The following BRWD1 variants were observed in gnomAD, a reference collection of about 807,000 sequenced individuals.
The protein encoded by BRWD1 is bromodomain and WD repeat-containing protein 1.
BRWD1 carries 82 observed loss-of-function variants against 251.2 expected under a neutral mutation model. The observed-to-expected ratio is 0.33, with a 90% CI of 0.27 to 0.39. BRWD1 has a LOEUF of 0.39. BRWD1 is among the 10% of genes least tolerant of loss of function. BRWD1 has a pLI of 1.00. For missense variants in BRWD1, 2,233 were observed against 2,711.6 expected (o/e 0.82, Z 3.92); for synonymous variants, 918 against 902.8 (o/e 1.02, Z -0.30).
At chr21:39,282,195 A>T (rs1221381892) in intron 8 of BRWD1, among the ~76,000 whole-genome samples, 1 of 152,148 alleles carries the variant, frequency 6.6e-6, no homozygotes, top group East Asian at 1.9e-4. Flanking sequence ...AAGAGCCAAG[A>T]TCACACCACT....
At chr21:39,204,625 T>A (rs981512107) in intron 37 of BRWD1, among the ~76,000 whole-genome samples, 6 of 152,178 alleles carry the variant, frequency 3.9e-5, no homozygotes, top group African/African-American at 7.2e-5. Context: ...AAAAATCACA[T>A]TATTCTCTAC....
At chr21:39,279,153 T>A (rs1429400522) in intron 9 of BRWD1, among the ~76,000 whole-genome samples, 1 of 152,170 alleles carries the variant, frequency 6.6e-6, no homozygotes, top group Admixed American at 6.5e-5. Context: ...ACCCAAAATA[T>A]CAACATGTAA....
chr21:39,277,632 C>T (rs2035319448), intron 10 of BRWD1, among the ~76,000 whole-genome samples: 2 of 151,180 alleles, frequency 1.3e-5, no homozygotes, highest in Admixed American at 6.6e-5. Context: ...GGTGTGATCT[C>T]GGCTCACTGC....
Position 39,215,243 on chromosome 21 carries a change from A to C in BRWD1, c.3779T>G (p.Phe1260Cys). The change falls in exon 32 of 41, where the codon TTT (phenylalanine) becomes TGT (cysteine). Residue 1260 changes from phenylalanine to cysteine, a missense_variant. Phe to Cys is a radical substitution (Grantham distance 205). Coordinates refer to ENST00000342449, the MANE Select transcript of BRWD1 (RefSeq NM_033656.4). ...CATCTATGAAATTACTTACTTGATA[A>C]ATTTTAAAAGTTGGTCAGTTATCTT... is the stretch of plus-strand genomic sequence containing the variant. ...AKKITDQLLK[F>C]IKNQHCTNIS... 1 of 1,611,092 alleles carries C rather than the reference A, an allele frequency of 6.2e-7. No individual in the cohort carries two copies. Among genetic ancestry groups the C allele is most frequent in the Non-Finnish European group, 8.5e-7 (1 of 1,177,506 alleles).
chr21:39,272,839 T>C (rs1014838674), intron 13 of BRWD1, among the ~76,000 whole-genome samples: 6 of 152,158 alleles, frequency 3.9e-5, no homozygotes, highest in African/African-American at 1.2e-4. Context: ...CTCGATATCC[T>C]GACCTCAGGT....
intron 20 of BRWD1, among the ~76,000 whole-genome samples, chr21:39,249,387 G>A (rs921790141): frequency 5.9e-5 from 9 of 152,154 alleles, no homozygotes; most frequent in African/African-American, 2.2e-4. Context: ...TTAACTGTAA[G>A]TATGTGTATT....
intron 18 of BRWD1, among the ~76,000 whole-genome samples, chr21:39,256,418 T>C (rs1261327973): frequency 1.3e-5 from 2 of 152,214 alleles, no homozygotes; most frequent in East Asian, 1.9e-4. Context: ...CCAAGGCAAG[T>C]AGCTGTCAAG....
intron 12 of BRWD1, 24 bp downstream of exon 12, chr21:39,276,149 C>T (rs2035274512): frequency 1.3e-6 from 2 of 1,597,754 alleles, no homozygotes; most frequent in African/African-American, 1.3e-5. Flanking sequence ...AACACACACA[C>T]ACACATACAA....
chr21:39,184,464 AGTAAT>A (rs1452483404), downstream of BRWD1: 6 of 152,248 alleles, frequency 3.9e-5, no homozygotes, highest in Non-Finnish European at 7.3e-5. Context: ...GAAAATATGC[AGTAAT>A]GCAATGAAAA....
intron 22 of BRWD1, among the ~76,000 whole-genome samples, chr21:39,237,507 AACACATT>A (rs2033852088): frequency 1.3e-5 from 2 of 152,356 alleles, no homozygotes; most frequent in African/African-American, 4.8e-5. Context: ...TACACAGGTA[AACACATT>A]ACAAAAAGGT....
At chr21:39,298,106 C>T in intron 5 of BRWD1, 6 of 1,010,134 alleles carry the variant, frequency 5.9e-6, no homozygotes, top group Non-Finnish European at 7.1e-6. Context: ...TAGACACATA[C>T]AATTACATTC....
intron 8 of BRWD1, among the ~76,000 whole-genome samples, chr21:39,289,279 T>C (rs2035734810): frequency 6.6e-6 from 1 of 152,232 alleles, no homozygotes; most frequent in African/African-American, 2.4e-5. Context: ...TGCATCTTCA[T>C]CTTAAAGTCT....
At chr21:39,294,658 A>AAAAAG in intron 7 of BRWD1, among the ~76,000 whole-genome samples, 1 of 151,670 alleles carries the variant, frequency 6.6e-6, no homozygotes, top group African/African-American at 2.4e-5. Context: ...CCGTCTCAAA[A>AAAAAG]AAAAAAAAAA....
chr21:39,248,256 T>C (rs976072894), intron 20 of BRWD1, among the ~76,000 whole-genome samples: 1 of 151,912 alleles, frequency 6.6e-6, no homozygotes, highest in Non-Finnish European at 1.5e-5. Flanking sequence ...TACTAATCAT[T>C]AGAGAAATGC....
intron 5 of BRWD1, 193 bp from the exon 6 acceptor site, chr21:39,296,556 C>T (rs751794962): frequency 1.6e-6 from 2 of 1,224,438 alleles, no homozygotes; most frequent in Non-Finnish European, 2.0e-6. Context: ...TCAGATACAG[C>T]AGCAACAACA....
At chr21:39,292,200 C>G (rs2035837136) in intron 8 of BRWD1, among the ~76,000 whole-genome samples, 1 of 151,290 alleles carries the variant, frequency 6.6e-6, no homozygotes, top group Non-Finnish European at 1.5e-5. Flanking sequence ...GATCCTCCCA[C>G]CTCAGCCTCC....
rs375431158 is a variant in BRWD1, at chr21:39,270,045, A to G, written c.1396-12T>C. 6 of 1,550,808 alleles carry G rather than the reference A, an allele frequency of 3.9e-6. No homozygotes were observed. Among genetic ancestry groups the G allele is most frequent in the Non-Finnish European group, 5.2e-6 (6 of 1,149,000 alleles). ...TCATCAGCATGTCCCTTTATTTAAC[A>G]AAGTCATAACATTAAGGAGGGTTTA... On this transcript the variant is annotated splice_polypyrimidine_tract_variant and intron_variant, in intron 14 of 40. Transcript: ENST00000342449.
At chr21:39,296,065 G>A (rs866820036) in intron 6 of BRWD1, among the ~76,000 whole-genome samples, 162 bp from the exon 7 acceptor site, 4 of 152,110 alleles carry the variant, frequency 2.6e-5, no homozygotes, top group Non-Finnish European at 5.9e-5. Flanking sequence ...CAGTAACATA[G>A]ACTTCTTACT....
intron 4 of BRWD1, among the ~76,000 whole-genome samples, chr21:39,306,905 G>A (rs111786284): frequency 0.018 from 2,789 of 152,308 alleles, 80 homozygotes; most frequent in African/African-American, 0.064. Context: ...CTAGGCCGGA[G>A]TGCAATGGCT....
Sources: allele counts gnomAD v4.1 joint callset (sites outside exome capture counted in the v4.1 genomes callset), GRCh38; gene constraint gnomAD v4.1.1; transcripts MANE v1.5; gene names NCBI Gene and HGNC (gene_info 2026-07-23, HGNC 2026-07-21).